The following LDLRAD4 variants were observed in gnomAD, a reference collection of about 807,000 sequenced individuals.
LDLRAD4 encodes the protein low density lipoprotein receptor class A domain containing 4, also known as low-density lipoprotein receptor class A domain-containing protein 4.
LDLRAD4 carries 5 observed loss-of-function variants against 17.0 expected under a neutral mutation model. The observed-to-expected ratio is 0.29, with a 90% CI of 0.15 to 0.62. The LOEUF (loss-of-function observed/expected upper bound fraction) is 0.62, where lower values mean the gene tolerates loss of function less well. Ranked by LOEUF, LDLRAD4 falls within the 20% of genes least tolerant of loss-of-function variation. The pLI is 0.84. For missense variants in LDLRAD4, 340 were observed against 424.7 expected, an observed-to-expected ratio of 0.80 and a Z score of 1.75; for synonymous variants, 168 against 171.8, an observed-to-expected ratio of 0.98 and a Z score of 0.17.
intron 3 of LDLRAD4, among the ~76,000 whole-genome samples, chr18:13,466,339 G>A (rs1165056090): frequency 6.6e-6 from 1 of 151,622 alleles, no homozygotes; most frequent in Non-Finnish European, 1.5e-5. Context: ...GGGTGGTGGC[G>A]GGTCCCTTTG....
intron 1 of LDLRAD4, among the ~76,000 whole-genome samples, chr18:13,259,378 G>A (rs1234867563): frequency 6.6e-6 from 1 of 152,142 alleles, no homozygotes; most frequent in Non-Finnish European, 1.5e-5. Flanking sequence ...GTCTCACTGT[G>A]TTGTCCAGGC....
chr18:13,381,575 C>T (rs1189082195), intron 1 of LDLRAD4, among the ~76,000 whole-genome samples: 2 of 152,180 alleles, frequency 1.3e-5, no homozygotes, highest in African/African-American at 2.4e-5. Context: ...TGCCTGGAGG[C>T]AGAGGTGTTT....
At chr18:13,507,766 T>C (rs2093717739) in intron 3 of LDLRAD4, among the ~76,000 whole-genome samples, 1 of 152,236 alleles carries the variant, frequency 6.6e-6, no homozygotes, top group South Asian at 2.1e-4. Flanking sequence ...CTTCTCTTCC[T>C]TTCCTTGGGC....
chr18:13,466,475 A>G (rs554747044), intron 3 of LDLRAD4, among the ~76,000 whole-genome samples: 12 of 150,132 alleles, frequency 8.0e-5, no homozygotes, highest in African/African-American at 1.2e-4. Context: ...GTTTCACCAA[A>G]AAAAAAAAAA....
intron 4 of LDLRAD4, among the ~76,000 whole-genome samples, chr18:13,624,696 C>T: frequency 6.6e-6 from 1 of 152,214 alleles, no homozygotes; most frequent in East Asian, 1.9e-4. Flanking sequence ...CCCCGCCTTC[C>T]CCATCCCTAG....
chr18:13,529,413 G>A (rs774043840), intron 3 of LDLRAD4, among the ~76,000 whole-genome samples: 13 of 152,212 alleles, frequency 8.5e-5, no homozygotes, highest in Non-Finnish European at 1.5e-4. Flanking sequence ...GTTAAAAGGA[G>A]GTCATCCACA....
At position 13,398,256 on chromosome 18, in the gene LDLRAD4, C is replaced by T. The variant is rs1186523113; in HGVS notation, c.40+10494C>T. On this transcript the variant is annotated intron_variant, in intron 2 of 5. Transcript: ENST00000359446. The surrounding 1 kb of genome is among the most constrained non-coding windows in gnomAD (Gnocchi z 4.8). ...TGTCTGTGTTCTAAGTTGGAAAATACAAACTTTTCCATGTGTACCTTAGAT... is the reference window on the plus strand; with the variant it reads ...TGTCTGTGTTCTAAGTTGGAAAATATAAACTTTTCCATGTGTACCTTAGAT... 6.6e-6 allele frequency among the ~76,000 whole-genome samples: 1 copy of T among 152,130 alleles called. No homozygotes were observed. The highest frequency in any genetic ancestry group is 1.5e-5 in the Non-Finnish European group (1 of 68,026).
chr18:13,451,690 C>G (rs965531041), intron 3 of LDLRAD4, among the ~76,000 whole-genome samples: 1 of 152,206 alleles, frequency 6.6e-6, no homozygotes, highest in African/African-American at 2.4e-5. Flanking sequence ...CTGCCGGACT[C>G]AGTGTCTGGC....
intron 1 of LDLRAD4, among the ~76,000 whole-genome samples, chr18:13,290,622 A>G (rs1207686588): frequency 6.6e-6 from 1 of 151,884 alleles, no homozygotes; most frequent in African/African-American, 2.4e-5. Flanking sequence ...TTGCACATGT[A>G]AAAAATTAGG....
chr18:13,238,986 G>A (rs1411621035), intron 1 of LDLRAD4, among the ~76,000 whole-genome samples: 3 of 152,006 alleles, frequency 2.0e-5, no homozygotes, highest in Non-Finnish European at 4.4e-5. Context: ...AGGAGTTCGA[G>A]ACCAGCCTGG....
intron 1 of LDLRAD4, among the ~76,000 whole-genome samples, chr18:13,243,194 G>C (rs1383317595): frequency 6.6e-6 from 1 of 152,236 alleles, no homozygotes; most frequent in East Asian, 1.9e-4. Flanking sequence ...ACCTTTCCAT[G>C]GGCAGCATGG....
chr18:13,235,586 T>C (rs1402117360), intron 1 of LDLRAD4, among the ~76,000 whole-genome samples: 1 of 152,230 alleles, frequency 6.6e-6, no homozygotes, highest in African/African-American at 2.4e-5. Context: ...GAGAAAAAAC[T>C]GAAAAACCCC....
intron 3 of LDLRAD4, among the ~76,000 whole-genome samples, chr18:13,591,401 A>G (rs1433319340): frequency 7.0e-6 from 1 of 143,302 alleles, no homozygotes; most frequent in African/African-American, 2.6e-5. Context: ...ATGTATTCCA[A>G]AGAGATGTGT....
At chr18:13,257,387 C>T (rs1427706058) in intron 1 of LDLRAD4, among the ~76,000 whole-genome samples, 2 of 152,188 alleles carry the variant, frequency 1.3e-5, no homozygotes, top group Non-Finnish European at 1.5e-5. Context: ...CCAGTCCTTT[C>T]GTTCTGTAAT....
chr18:13,552,923 G>C (rs1440155554), intron 3 of LDLRAD4, among the ~76,000 whole-genome samples: 2 of 152,110 alleles, frequency 1.3e-5, no homozygotes, highest in Non-Finnish European at 1.5e-5. Context: ...TATTGGTTAG[G>C]TTGAAATTAA....
exon 6 of LDLRAD4, chr18:13,647,642 GTTTGT>G (rs1445000962): frequency 6.6e-6 from 1 of 152,274 alleles, no homozygotes; most frequent in Non-Finnish European, 1.5e-5. Flanking sequence ...GTTTTTGTTT[GTTTGT>G]TTTGAGGATT....
At chr18:13,260,237 G>T (rs112455870) in intron 1 of LDLRAD4, among the ~76,000 whole-genome samples, 2,570 of 152,306 alleles carry the variant, frequency 0.017, 78 homozygotes, top group African/African-American at 0.059. Context: ...TTGCCAAGGT[G>T]TGAGCAATGC....
chr18:13,642,651 CG>C (rs1388608017), intron 4 of LDLRAD4: 11 of 1,230,994 alleles, frequency 8.9e-6, no homozygotes, highest in African/African-American at 1.6e-5. Flanking sequence ...AGGGCACGGG[CG>C]GGCCCCGGGC....
chr18:13,298,306 C>G (rs1045527365), intron 1 of LDLRAD4, among the ~76,000 whole-genome samples: 2 of 152,204 alleles, frequency 1.3e-5, no homozygotes, highest in African/African-American at 4.8e-5. Flanking sequence ...CTGCTCTGGG[C>G]ACGGTGATGT....
Sources: allele counts gnomAD v4.1 joint callset (sites outside exome capture counted in the v4.1 genomes callset), GRCh38; gene constraint gnomAD v4.1.1; non-coding constraint Gnocchi (gnomAD v3.1); transcripts MANE v1.5; gene names NCBI Gene and HGNC (gene_info 2026-07-23, HGNC 2026-07-21).